Variants in MYO1E observed in about 807,000 individuals in gnomAD.
MYO1E encodes the protein unconventional myosin-Ie.
MYO1E carries 68 observed loss-of-function variants against 151.1 expected under a neutral mutation model. That is an observed-to-expected ratio of 0.45 (90% CI 0.37 to 0.55). The LOEUF (loss-of-function observed/expected upper bound fraction) is 0.55. Among genes scored for constraint, MYO1E ranks in the 20% least tolerant of loss-of-function variants. The pLI, the probability that MYO1E is intolerant of heterozygous loss-of-function variation, is 0.00. For synonymous variants in MYO1E, 601 were observed against 501.7 expected, an observed-to-expected ratio of 1.20 and a Z score of -2.64; for missense variants, 1,363 against 1,389.3, an observed-to-expected ratio of 0.98 and a Z score of 0.30.
chr15:59,175,584 A>T (rs1479174118), intron 19 of MYO1E, among the ~76,000 whole-genome samples: 1 of 152,230 alleles, frequency 6.6e-6, no homozygotes, highest in African/African-American at 2.4e-5. Flanking sequence ...ATAAGGACAG[A>T]TTTCTAAACC....
At chr15:59,195,651 T>C (rs570019488) in intron 16 of MYO1E, 84 bp from the exon 17 acceptor site, 5 of 1,181,002 alleles carry the variant, frequency 4.2e-6, no homozygotes, top group Admixed American at 1.7e-5. Flanking sequence ...AACTCTCTTG[T>C]AGAAATACAT....
chr15:59,260,394 G>T (rs1442138432), intron 3 of MYO1E, among the ~76,000 whole-genome samples: 1 of 152,188 alleles, frequency 6.6e-6, no homozygotes, highest in Non-Finnish European at 1.5e-5. Flanking sequence ...TGGCAACAAT[G>T]GGGTGGGCTC....
At chr15:59,295,022 C>T (rs1443311647) in intron 1 of MYO1E, among the ~76,000 whole-genome samples, 3 of 152,106 alleles carry the variant, frequency 2.0e-5, no homozygotes, top group Admixed American at 1.3e-4. Context: ...TTTATATCTC[C>T]TCTCCCTCCC....
chr15:59,317,353 C>T (rs1375242630), intron 1 of MYO1E, among the ~76,000 whole-genome samples: 2 of 152,156 alleles, frequency 1.3e-5, no homozygotes, highest in Non-Finnish European at 2.9e-5. Context: ...GAACAAGGTG[C>T]CAAAAGCTGG....
At chr15:59,359,007 C>T (rs1159762373) in intron 1 of MYO1E, among the ~76,000 whole-genome samples, 2 of 152,090 alleles carry the variant, frequency 1.3e-5, no homozygotes, top group Non-Finnish European at 2.9e-5. Flanking sequence ...ATTTATGAAT[C>T]TTTTTCCCAG....
In MYO1E at chr15:59,218,096, C is replaced by A; in HGVS notation, c.911-9G>T. Reference sequence around the variant, plus strand: ...TGCAGGAAAAGCTAAAACTGTAGAACATAAAACAAAACATGACAATCTTTC... The same window carrying A: ...TGCAGGAAAAGCTAAAACTGTAGAAAATAAAACAAAACATGACAATCTTTC... On this transcript the variant is annotated splice_polypyrimidine_tract_variant and intron_variant, in intron 9 of 27. Coordinates refer to ENST00000288235, the MANE Select transcript of MYO1E (RefSeq NM_004998.4). The A allele has an allele frequency of 6.2e-7, 1 of 1,614,004 alleles. No individual in the cohort carries two copies. The highest frequency in any genetic ancestry group is 8.5e-7 in the Non-Finnish European group (1 of 1,179,882).
At chr15:59,357,696 T>C (rs1433932291) in intron 1 of MYO1E, among the ~76,000 whole-genome samples, 1 of 151,780 alleles carries the variant, frequency 6.6e-6, no homozygotes, top group African/African-American at 2.4e-5. Flanking sequence ...GTGATCCACC[T>C]ACCTTGGCCT....
At chr15:59,308,715 C>T (rs1184027623) in intron 1 of MYO1E, among the ~76,000 whole-genome samples, 5 of 133,558 alleles carry the variant, frequency 3.7e-5, no homozygotes, top group African/African-American at 1.4e-4. Flanking sequence ...GGCAGGTGCC[C>T]CTAATCCCAG....
At chr15:59,359,348 G>C (rs1203339921) in intron 1 of MYO1E, among the ~76,000 whole-genome samples, 1 of 146,914 alleles carries the variant, frequency 6.8e-6, no homozygotes, top group Non-Finnish European at 1.5e-5. Context: ...AATTAGCTAG[G>C]CATGGCAGCT....
chr15:59,277,462 T>C (rs2080325768), intron 1 of MYO1E, among the ~76,000 whole-genome samples: 1 of 151,010 alleles, frequency 6.6e-6, no homozygotes, highest in South Asian at 2.1e-4. Context: ...GGAGAATTGC[T>C]TGAACCCAGG....
chr15:59,290,537 T>C (rs540641964), intron 1 of MYO1E, among the ~76,000 whole-genome samples: 1 of 152,164 alleles, frequency 6.6e-6, no homozygotes, highest in Non-Finnish European at 1.5e-5. Context: ...CGTAGCCAGC[T>C]TCAAAGTCAG....
intron 26 of MYO1E, among the ~76,000 whole-genome samples, chr15:59,140,836 G>GCTTCT (rs2079404528): frequency 2.0e-5 from 3 of 152,252 alleles, no homozygotes; most frequent in Middle Eastern, 3.4e-3. Flanking sequence ...ACCCCACGTG[G>GCTTCT]GAGGGAGCAA....
chr15:59,186,416 A>C (rs1203678654), intron 18 of MYO1E, among the ~76,000 whole-genome samples: 2 of 151,840 alleles, frequency 1.3e-5, no homozygotes, highest in African/African-American at 2.4e-5. Context: ...AAAAAAAAAA[A>C]CATTATATCC....
intron 15 of MYO1E, among the ~76,000 whole-genome samples, chr15:59,203,166 G>C (rs993581137): frequency 6.6e-6 from 1 of 152,192 alleles, no homozygotes; most frequent in Non-Finnish European, 1.5e-5. Context: ...GGCACCATTG[G>C]TATCTGCGGC....
At chr15:59,239,237 TTTA>T (rs201107362) in intron 4 of MYO1E, among the ~76,000 whole-genome samples, 29 of 148,708 alleles carry the variant, frequency 2.0e-4, no homozygotes, top group Admixed American at 1.3e-3. Flanking sequence ...TTTTTTATTT[TTTA>T]AAATTTGTGT....
At chr15:59,213,991 T>C (rs2079897992) in intron 12 of MYO1E, among the ~76,000 whole-genome samples, 1 of 152,214 alleles carries the variant, frequency 6.6e-6, no homozygotes, top group African/African-American at 2.4e-5. Flanking sequence ...GCAGCCAGTC[T>C]TACCTCCAAC....
At chr15:59,180,520 C>T (rs188910650) in intron 18 of MYO1E, among the ~76,000 whole-genome samples, 24 of 151,866 alleles carry the variant, frequency 1.6e-4, no homozygotes, top group Admixed American at 5.9e-4. Context: ...ACATTTTTTC[C>T]TACAAAATTA....
rs1167320686 is a variant in MYO1E at position 59,136,225 on chromosome 15, T to C, written c.*1155A>G. The C allele has an allele frequency of 6.5e-6, 1 of 154,766 alleles. No homozygotes were observed. The highest frequency in any genetic ancestry group is 6.3e-5 in the Admixed American group (1 of 15,822). 9.6% of individuals were successfully genotyped at this position (154,766 alleles called of 1,614,324 possible). ...AAGACCCACTCTAATGACTTCATTT[T>C]AATTAGTTTTGTTTGTTTGCTCCAT... On this transcript the variant is annotated 3_prime_UTR_variant, in exon 28 of 28. Coordinates refer to ENST00000288235, the MANE Select transcript of MYO1E (RefSeq NM_004998.4).
At position 59,173,490 on chromosome 15, in the gene MYO1E, T is replaced by A. The variant is rs1221586627; in HGVS notation, c.2334+256A>T. ...GACATAAAACAGCATGTAATGTATA[T>A]CTCATTTTTTGTAAAACTAAATACG... On this transcript the variant is annotated intron_variant, in intron 21 of 27. Coordinates refer to ENST00000288235, the MANE Select transcript of MYO1E (RefSeq NM_004998.4). Among the ~76,000 whole-genome samples, 5 of 152,210 alleles carry A rather than the reference T, an allele frequency of 3.3e-5. No individual in the cohort carries two copies. The East Asian group carries it at 9.6e-4, about 29-fold the overall frequency.
Sources: allele counts gnomAD v4.1 joint callset (sites outside exome capture counted in the v4.1 genomes callset), GRCh38; gene constraint gnomAD v4.1.1; transcripts MANE v1.5; gene names NCBI Gene and HGNC (gene_info 2026-07-23, HGNC 2026-07-21).